The following ITGA8 variants were observed in gnomAD, a reference collection of about 807,000 sequenced individuals.
ITGA8 encodes the protein integrin subunit alpha 8.
In ITGA8, 91 loss-of-function variants were observed where a neutral mutation model predicts 142.3. That is an observed-to-expected ratio of 0.64 (90% CI 0.54 to 0.76). The LOEUF is 0.76. Ranked by LOEUF, ITGA8 falls within the 30% of genes least tolerant of loss-of-function variation. The pLI is 0.00. For missense variants in ITGA8, 1,406 were observed against 1,327.7 expected, an observed-to-expected ratio of 1.06 and a Z score of -0.92; for synonymous variants, 505 against 485.2, an observed-to-expected ratio of 1.04 and a Z score of -0.54.
Position 15,542,840 on chromosome 10 carries a change from T to C in ITGA8, c.2880+5615A>G, listed in dbSNP as rs376033975. The stretch of plus-strand genomic sequence containing the variant: ...GTAAGAATTAAATGAGTCATTCATA[T>C]ACAAGCATGTATCATGGTGCTTAGC... On this transcript the variant is annotated intron_variant, in intron 27 of 29. Transcript: ENST00000378076. 1.4e-3 allele frequency among the ~76,000 whole-genome samples: 220 copies of C among 152,350 alleles called. 2 individuals carry two copies. Among genetic ancestry groups the C allele is most frequent in the African/African-American group, 5.1e-3 (214 of 41,574 alleles).
chr10:15,658,458 G>A (rs1270211173), intron 10 of ITGA8, among the ~76,000 whole-genome samples: 2 of 150,532 alleles, frequency 1.3e-5, no homozygotes, highest in African/African-American at 4.9e-5. Flanking sequence ...TGTCCCCTCC[G>A]TCCTCAGCTC....
intron 15 of ITGA8, among the ~76,000 whole-genome samples, chr10:15,613,170 A>ATAATAAAT (rs1554777865): frequency 2.8e-5 from 1 of 36,134 alleles, no homozygotes; most frequent in African/African-American, 5.2e-5. Context: ...CAATAAATAA[A>ATAATAAAT]AAATAAATAA....
rs1488444073 is a variant in ITGA8 at position 15,605,766 on chromosome 10, TCTC to T, written c.1925_1927del (p.Gly642del). 1 of 1,613,548 alleles carries T rather than the reference TCTC, an allele frequency of 6.2e-7. No homozygotes were observed. Among genetic ancestry groups the T allele is most frequent in the East Asian group, 2.2e-5 (1 of 44,864 alleles). ...CAAGTCAGGAACACACAGATTGTCT[TCTC>T]CACAGTCCACCAGAATGTGAGCCTG... On this transcript the variant is annotated inframe_deletion, in exon 19 of 30. Transcript: ENST00000378076.
intron 26 of ITGA8, among the ~76,000 whole-genome samples, chr10:15,553,571 C>T (rs928560121): frequency 6.6e-6 from 1 of 152,192 alleles, no homozygotes; most frequent in African/African-American, 2.4e-5. Flanking sequence ...CCATCACCTC[C>T]ATCCAACTCC....
intron 2 of ITGA8, among the ~76,000 whole-genome samples, chr10:15,715,096 CT>C (rs377550438): frequency 1.8e-4 from 27 of 152,152 alleles, no homozygotes; most frequent in African/African-American, 5.3e-4. Context: ...ACTTTTCTTC[CT>C]TTTTTTCGGG....
At chr10:15,525,686 G>A (rs1465409457) in intron 28 of ITGA8, among the ~76,000 whole-genome samples, 1 of 147,112 alleles carries the variant, frequency 6.8e-6, no homozygotes, top group African/African-American at 2.5e-5. Flanking sequence ...AAAGAAGCAG[G>A]GGATGTTAAT....
intron 27 of ITGA8, among the ~76,000 whole-genome samples, chr10:15,547,400 C>T (rs1833697596): frequency 6.6e-6 from 1 of 152,140 alleles, no homozygotes; most frequent in Non-Finnish European, 1.5e-5. Flanking sequence ...GGCAAAACCC[C>T]ATCTCTACTA....
At chr10:15,566,950 G>C (rs1173447587) in intron 25 of ITGA8, among the ~76,000 whole-genome samples, 5 of 147,884 alleles carry the variant, frequency 3.4e-5, no homozygotes, top group Admixed American at 6.7e-5. Flanking sequence ...CTGAGGTCAA[G>C]GGTTCGAGAC....
intron 28 of ITGA8, among the ~76,000 whole-genome samples, chr10:15,527,324 A>G (rs913200180): frequency 2.0e-5 from 3 of 152,246 alleles, no homozygotes; most frequent in East Asian, 1.9e-4. Context: ...CACAGTTTAC[A>G]TATGAGTTTT....
rs185082435 is a variant in ITGA8 at position 15,558,309 on chromosome 10, T to A, written c.2638-107A>T. ...TTTTTTTTTCTCAGTGGAATATGAT[T>A]CACATGAGGATCCAGACCTGTGATT... is the stretch of plus-strand genomic sequence containing the variant. On this transcript the variant is annotated intron_variant, in intron 25 of 29. Coordinates refer to ENST00000378076, the MANE Select transcript of ITGA8 (RefSeq NM_003638.3). 1.9e-5 allele frequency: 25 copies of A among 1,300,458 alleles called. No individual in the cohort carries two copies. In the Admixed American group the frequency reaches 5.3e-4, roughly 28 times the overall value. The allele number at this position is 1,300,458 out of a possible 1,614,324, so 80.6% of individuals were successfully genotyped here. A position where few individuals can be genotyped will look rare whatever the true frequency, so the allele number is the denominator to read the frequency against.
chr10:15,575,355 A>G (rs1834265630), intron 24 of ITGA8, 134 bp downstream of exon 24: 1 of 658,570 alleles, frequency 1.5e-6, no homozygotes, highest in Non-Finnish European at 2.7e-6. Context: ...GCACCACTGC[A>G]CTCCAGCCTG....
intron 13 of ITGA8, among the ~76,000 whole-genome samples, chr10:15,630,518 T>G (rs1458180398): frequency 1.3e-5 from 2 of 151,954 alleles, no homozygotes; most frequent in Non-Finnish European, 2.9e-5. Flanking sequence ...CATGTGTAAT[T>G]TCCATCTGAG....
At chr10:15,584,893 C>T (rs1260225379) in intron 23 of ITGA8, among the ~76,000 whole-genome samples, 1 of 152,024 alleles carries the variant, frequency 6.6e-6, no homozygotes, top group African/African-American at 2.4e-5. Context: ...CCTGTCTCTA[C>T]TAAAAATACA....
At position 15,647,010 on chromosome 10, in the gene ITGA8, C is replaced by T. The variant is rs758599067; in HGVS notation, c.1043G>A (p.Arg348His). The T allele has an allele frequency of 2.1e-5, 34 of 1,613,820 alleles. No individual in the cohort carries two copies. Among genetic ancestry groups the T allele is most frequent in the Admixed American group, 6.7e-5 (4 of 59,998 alleles). ...TTCTCTGGGGTTGCTCTCAAATTCA[C>T]GTTCCATAAAGAGAGGTGCCCCAAC... ...VLVGAPLFME[R>H]EFESNPREVG... is the part of the protein sequence containing the mutation. Residue 348 changes from arginine (R) to histidine (H), a missense_variant, in exon 12 of 30, where the codon CGT becomes CAT. Coordinates refer to ENST00000378076, the MANE Select transcript of ITGA8 (RefSeq NM_003638.3).
chr10:15,561,231 ATATG>A (rs1277625676), intron 25 of ITGA8, among the ~76,000 whole-genome samples: 3,616 of 95,284 alleles, frequency 0.038, 67 homozygotes, highest in Non-Finnish European at 0.057. Flanking sequence ...ATATATATAT[ATATG>A]TATATATATA....
chr10:15,644,459 T>C lies in ITGA8; in HGVS notation c.1208-238A>G, dbSNP rs1209292749. ...ATATATATATATATATATATATATA[T>C]ATATATATATATATATATATATATA... is the stretch of plus-strand genomic sequence containing the variant. On this transcript the variant is annotated intron_variant, in intron 12 of 29. Coordinates refer to ENST00000378076, the MANE Select transcript of ITGA8 (RefSeq NM_003638.3). 4.2e-3 allele frequency among the ~76,000 whole-genome samples: 53 copies of C among 12,714 alleles called. 2 individuals are homozygous for C. In the East Asian group the frequency reaches 0.062, roughly 15 times the overall value. The allele number at this position is 12,714 out of a possible 152,430, so 8.3% of individuals were successfully genotyped here.
chr10:15,577,767 A>G, intron 23 of ITGA8, among the ~76,000 whole-genome samples: 1 of 152,090 alleles, frequency 6.6e-6, no homozygotes, highest in East Asian at 1.9e-4. Context: ...TATTGAACTA[A>G]TTTGCCTAGG....
At chr10:15,711,570 T>G (rs965138855) in intron 2 of ITGA8, among the ~76,000 whole-genome samples, 27 of 152,110 alleles carry the variant, frequency 1.8e-4, no homozygotes, top group African/African-American at 6.3e-4. Context: ...CTTTTGGTGA[T>G]CTACAGCATC....
chr10:15,580,455 A>C (rs1253068628), intron 23 of ITGA8, among the ~76,000 whole-genome samples: 1 of 152,174 alleles, frequency 6.6e-6, no homozygotes, highest in Non-Finnish European at 1.5e-5. Context: ...CCTGATACCC[A>C]AATCAGAAAA....
Sources: allele counts gnomAD v4.1 joint callset (sites outside exome capture counted in the v4.1 genomes callset), GRCh38; gene constraint gnomAD v4.1.1; transcripts MANE v1.5; gene names NCBI Gene and HGNC (gene_info 2026-07-23, HGNC 2026-07-21).